Variants in FBXL7 observed in about 807,000 individuals in gnomAD.
FBXL7 encodes F-box/LRR-repeat protein 7.
Under a neutral mutation model 38.3 loss-of-function variants are expected in FBXL7, and 12 were observed. The ratio of observed to expected loss-of-function variants is 0.31; its 90% CI spans 0.20 to 0.51. The LOEUF (loss-of-function observed/expected upper bound fraction) is 0.51. FBXL7 is among the 20% of genes least tolerant of loss of function. The pLI, the probability that FBXL7 is intolerant of heterozygous loss-of-function variation, is 0.98. For missense variants in FBXL7, 567 were observed against 676.4 expected (o/e 0.84, Z 1.79); for synonymous variants, 297 against 300.9 (o/e 0.99, Z 0.13).
intron 2 of FBXL7, among the ~76,000 whole-genome samples, chr5:15,778,743 T>G (rs1403379071): frequency 6.6e-6 from 1 of 152,122 alleles, no homozygotes; most frequent in Non-Finnish European, 1.5e-5. Flanking sequence ...TAGTTGCCGA[T>G]GCTCCCGCTA....
At chr5:15,707,174 G>GTTTTTTTTTTTTTTTTTTTTTTTTTTTT (rs71603796) in intron 2 of FBXL7, among the ~76,000 whole-genome samples, 1 of 70,392 alleles carries the variant, frequency 1.4e-5, no homozygotes, top group Non-Finnish European at 2.4e-5. Flanking sequence ...TTTTCTTTTC[G>GTTTTTTTTTTTTTTTTTTTTTTTTTTTT]TTTTTTTTTT....
At chr5:15,709,097 A>G (rs1743776253) in intron 2 of FBXL7, among the ~76,000 whole-genome samples, 1 of 152,182 alleles carries the variant, frequency 6.6e-6, no homozygotes, top group African/African-American at 2.4e-5. Flanking sequence ...CACATTCTTC[A>G]CTGAAAACAG....
At position 15,938,822 on chromosome 5, in the gene FBXL7, T is replaced by C. The variant is rs1742270646; in HGVS notation, c.*1636T>C. The C allele has an allele frequency of 2.5e-6, 1 of 396,078 alleles. No homozygotes were observed. Among genetic ancestry groups the C allele is most frequent in the East Asian group, 3.6e-5 (1 of 27,974 alleles). 24.5% of individuals were successfully genotyped at this position (396,078 alleles called of 1,614,324 possible). A position where few individuals can be genotyped will look rare whatever the true frequency, so the allele number is the denominator to read the frequency against. ...ATGAAGTCAGATAGCCAGAAGAAAT[T>C]CCATTGCTGGTTTTCACGAAATTCA... is the stretch of plus-strand genomic sequence containing the variant. On this transcript the variant is annotated 3_prime_UTR_variant, in exon 4 of 4. Transcript: ENST00000504595.
rs139547443 is a variant in FBXL7 at position 15,720,286 on chromosome 5, C to T, written c.127+104214C>T. Among the ~76,000 whole-genome samples, 332 of 148,740 alleles carry T rather than the reference C, an allele frequency of 2.2e-3. 15 individuals carry two copies. Among genetic ancestry groups the T allele is most frequent in the African/African-American group, 7.6e-3 (309 of 40,862 alleles). On this transcript the variant is annotated intron_variant, in intron 2 of 3. Transcript: ENST00000504595. Reference sequence around the variant, plus strand: ...CTTCTTTTGGGTTTTTCTCTGAAAACATTATTCAAGGATCAGGTGGAAGAG... The same window carrying T: ...CTTCTTTTGGGTTTTTCTCTGAAAATATTATTCAAGGATCAGGTGGAAGAG...
chr5:15,723,490 A>G (rs545858568), intron 2 of FBXL7, among the ~76,000 whole-genome samples: 29 of 152,344 alleles, frequency 1.9e-4, no homozygotes, highest in Admixed American at 7.2e-4. Context: ...GCAGATTTCC[A>G]TGGTATAAAT....
intron 1 of FBXL7, among the ~76,000 whole-genome samples, chr5:15,558,907 G>A (rs912869990): frequency 1.9e-4 from 29 of 152,244 alleles, no homozygotes; most frequent in African/African-American, 6.5e-4. Context: ...GTCAAATCCC[G>A]GGTGCTTTCT....
intron 2 of FBXL7, among the ~76,000 whole-genome samples, chr5:15,887,972 G>A (rs1284001249): frequency 6.6e-6 from 1 of 152,112 alleles, no homozygotes; most frequent in Non-Finnish European, 1.5e-5. Flanking sequence ...TGGGTCTCCT[G>A]TGTCTGACAT....
intron 2 of FBXL7, among the ~76,000 whole-genome samples, chr5:15,920,615 G>A (rs1285203667): frequency 6.6e-6 from 1 of 151,924 alleles, no homozygotes; most frequent in Non-Finnish European, 1.5e-5. Context: ...CCACCTCCTG[G>A]GTTCAAGCGA....
intron 2 of FBXL7, among the ~76,000 whole-genome samples, chr5:15,659,112 A>G (rs1021404487): frequency 1.2e-4 from 18 of 152,174 alleles, no homozygotes; most frequent in African/African-American, 4.3e-4. Context: ...AGTCTCGGAT[A>G]TGTGTTTATT....
At chr5:15,660,870 C>T (rs984762349) in intron 2 of FBXL7, among the ~76,000 whole-genome samples, 6 of 152,322 alleles carry the variant, frequency 3.9e-5, no homozygotes, top group East Asian at 1.9e-4. Context: ...AATCTAACCA[C>T]GTGGCCCATT....
chr5:15,729,227 G>A (rs565351443), intron 2 of FBXL7, among the ~76,000 whole-genome samples: 6 of 152,204 alleles, frequency 3.9e-5, no homozygotes, highest in African/African-American at 9.6e-5. Flanking sequence ...CACATGATCC[G>A]TGCCTTCATA....
At chr5:15,637,964 A>G (rs1741238778) in intron 2 of FBXL7, among the ~76,000 whole-genome samples, 1 of 152,214 alleles carries the variant, frequency 6.6e-6, no homozygotes, top group Non-Finnish European at 1.5e-5. Context: ...TGGGGGAAGT[A>G]TAAGCTCCTG....
At chr5:15,781,829 A>G (rs1737001538) in intron 2 of FBXL7, among the ~76,000 whole-genome samples, 1 of 152,148 alleles carries the variant, frequency 6.6e-6, no homozygotes, top group African/African-American at 2.4e-5. Context: ...AGACCTTTTC[A>G]ACTTTTTTAA....
intron 2 of FBXL7, among the ~76,000 whole-genome samples, chr5:15,916,007 C>T (rs902064326): frequency 2.0e-5 from 3 of 152,112 alleles, no homozygotes; most frequent in Non-Finnish European, 2.9e-5. Context: ...GGGAGGCAGA[C>T]CTGATGAATG....
At chr5:15,797,501 TC>T (rs1737448443) in intron 2 of FBXL7, among the ~76,000 whole-genome samples, 1 of 152,188 alleles carries the variant, frequency 6.6e-6, no homozygotes, top group South Asian at 2.1e-4. Context: ...GGGCTGATGC[TC>T]TCTTGTTCCA....
chr5:15,704,981 T>A (rs976776405), intron 2 of FBXL7, among the ~76,000 whole-genome samples: 14 of 144,822 alleles, frequency 9.7e-5, no homozygotes, highest in South Asian at 4.5e-4. Context: ...AAAAAAAAAA[T>A]TAAATATATA....
At chr5:15,616,240 C>T (rs570732377) in intron 2 of FBXL7, among the ~76,000 whole-genome samples, 168 bp downstream of exon 2, 17 of 152,120 alleles carry the variant, frequency 1.1e-4, no homozygotes, top group Middle Eastern at 3.4e-3. Context: ...GTTGTTGTTG[C>T]GCTGCAGTTA....
At chr5:15,814,488 A>G (rs1341993925) in intron 2 of FBXL7, among the ~76,000 whole-genome samples, 2 of 152,062 alleles carry the variant, frequency 1.3e-5, no homozygotes, top group South Asian at 2.1e-4. Flanking sequence ...ATATGGGTCG[A>G]TGGGTGCAGC....
chr5:15,688,759 A>G (rs1411469744), intron 2 of FBXL7, among the ~76,000 whole-genome samples: 1 of 152,184 alleles, frequency 6.6e-6, no homozygotes, highest in Non-Finnish European at 1.5e-5. Context: ...CAAGACCAGA[A>G]CATGCCTGGT....
Sources: gnomAD v4.1 joint callset for allele counts (sites outside exome capture counted in the v4.1 genomes callset) on GRCh38, gnomAD v4.1.1 for gene constraint, MANE v1.5 for transcripts, NCBI Gene and HGNC (gene_info 2026-07-23, HGNC 2026-07-21) for gene names.